Variants in LGR4 observed in about 807,000 individuals in gnomAD.
LGR4 encodes the protein leucine-rich repeat-containing G protein-coupled receptor 4.
A neutral mutation model predicts 84.8 loss-of-function variants in LGR4; 44 were observed. The ratio of observed to expected loss-of-function variants is 0.52; its 90% CI spans 0.41 to 0.67. The LOEUF is 0.67. LGR4 is among the 30% of genes least tolerant of loss of function. The probability of loss-of-function intolerance (pLI) is 0.00; values close to 1 mark genes in which losing one functional copy is unlikely to be tolerated. For synonymous variants in LGR4, 429 were observed against 434.3 expected, an observed-to-expected ratio of 0.99 and a Z score of 0.15; for missense variants, 1,032 against 1,131.4, an observed-to-expected ratio of 0.91 and a Z score of 1.26.
chr11:27,404,249 C>T (rs1041071025), intron 2 of LGR4, among the ~76,000 whole-genome samples: 1 of 152,182 alleles, frequency 6.6e-6, no homozygotes, highest in African/African-American at 2.4e-5. Context: ...TAATACTGAA[C>T]CACTTGATTC....
intron 1 of LGR4, among the ~76,000 whole-genome samples, chr11:27,451,486 A>G (rs1453878048): frequency 2.6e-5 from 4 of 152,250 alleles, no homozygotes; most frequent in African/African-American, 9.6e-5. Flanking sequence ...CCAGAAAGGA[A>G]TAATTAAGTC....
At chr11:27,450,878 C>T (rs1273218107) in intron 1 of LGR4, among the ~76,000 whole-genome samples, 2 of 152,262 alleles carry the variant, frequency 1.3e-5, no homozygotes, top group East Asian at 1.9e-4. Context: ...AACAAAACAA[C>T]CATTTCTTTG....
At chr11:27,380,566 CA>C in intron 9 of LGR4, 73 bp downstream of exon 9, 1 of 1,042,866 alleles carries the variant, frequency 9.6e-7, no homozygotes, top group African/African-American at 1.6e-5. Context: ...TCTGGAGTTC[CA>C]GTAATAAATT....
intron 1 of LGR4, among the ~76,000 whole-genome samples, chr11:27,436,745 C>A (rs1366251480): frequency 2.0e-5 from 3 of 152,164 alleles, no homozygotes; most frequent in Admixed American, 2.0e-4. Context: ...TTGGACCACT[C>A]ACTCACCACA....
At chr11:27,378,410 G>A (rs1402210528) in intron 11 of LGR4, among the ~76,000 whole-genome samples, 1 of 152,054 alleles carries the variant, frequency 6.6e-6, no homozygotes. Flanking sequence ...GGAGAAACTA[G>A]AATAAAGACA....
chr11:27,383,508 A>G (rs1392950523), intron 6 of LGR4, among the ~76,000 whole-genome samples: 2 of 152,212 alleles, frequency 1.3e-5, no homozygotes, highest in Non-Finnish European at 2.9e-5. Context: ...TCATATATCC[A>G]TTGATGTTTC....
rs1862756103 is a variant in LGR4 at position 27,365,961 on chromosome 11, T to C, written c.*1906A>G. 6.6e-6 allele frequency: 1 copy of C among 152,352 alleles called. No homozygotes were observed. 9.4% of individuals were successfully genotyped at this position (152,352 alleles called of 1,614,324 possible). ...TAGTTTTAAATTAAGGCAAAATAGATTGCTTTCTAGAAACTTTAATAATTC... is the reference window on the plus strand; with the variant it reads ...TAGTTTTAAATTAAGGCAAAATAGACTGCTTTCTAGAAACTTTAATAATTC... On this transcript the variant is annotated 3_prime_UTR_variant, in exon 18 of 18. Transcript: ENST00000379214.
At chr11:27,429,460 G>T (rs1264823390) in intron 1 of LGR4, among the ~76,000 whole-genome samples, 1 of 151,442 alleles carries the variant, frequency 6.6e-6, no homozygotes, top group Non-Finnish European at 1.5e-5. Flanking sequence ...CCTAGCTTGG[G>T]TGACAGAACG....
Position 27,368,575 on chromosome 11 carries a change from T to G in LGR4, c.2148A>C (p.Leu716=), listed in dbSNP as rs1431147450. The G allele has an allele frequency of 1.2e-6, 2 of 1,605,802 alleles. No individual in the cohort carries two copies. The highest frequency in any genetic ancestry group is 3.4e-5 in the Admixed American group (2 of 59,422). The change falls in exon 18 of 18, where the codon CTA becomes CTC. Residue 716 remains leucine (L), a synonymous_variant. Transcript: ENST00000379214. The part of the protein sequence containing the change: ...FTVTLVLLNS[L]AFLLMAVIYT... The stretch of plus-strand genomic sequence containing the variant: ...AGATAACGGCCATTAATAAAAATGC[T>G]AGTGAGTTTAATAGCACTAACGTTA...
chr11:27,386,169 C>T (rs1025480603), intron 4 of LGR4, among the ~76,000 whole-genome samples: 2 of 152,094 alleles, frequency 1.3e-5, no homozygotes, highest in Non-Finnish European at 2.9e-5. Context: ...GTTACTGTGG[C>T]TTTAAAGGTT....
intron 1 of LGR4, among the ~76,000 whole-genome samples, chr11:27,425,681 T>C (rs1002819835): frequency 1.3e-5 from 2 of 152,108 alleles, no homozygotes; most frequent in Non-Finnish European, 2.9e-5. Flanking sequence ...CTATGGACAG[T>C]AAATGAACTG....
intron 2 of LGR4, among the ~76,000 whole-genome samples, chr11:27,395,471 T>G (rs1863372881): frequency 6.6e-6 from 1 of 152,218 alleles, no homozygotes; most frequent in Non-Finnish European, 1.5e-5. Context: ...TTTGCTTCCT[T>G]TTCCCAAATC....
At position 27,472,598 on chromosome 11, in the gene LGR4, G is replaced by A; in HGVS notation, c.-296C>T. 5.4e-6 allele frequency: 2 copies of A among 371,408 alleles called. No homozygotes were observed. Among genetic ancestry groups the A allele is most frequent in the African/African-American group, 2.1e-5 (1 of 47,482 alleles). 23.0% of individuals were successfully genotyped at this position (371,408 alleles called of 1,614,324 possible). A position where few individuals can be genotyped will look rare whatever the true frequency, so the allele number is the denominator to read the frequency against. ...GCGGCGGGGGCCGCGCTCTGCCATC[G>A]CACCGGTCTCCCTGTCCCTGGCCTC... is the stretch of plus-strand genomic sequence containing the variant. On this transcript the variant is annotated 5_prime_UTR_variant, in exon 1 of 18. Transcript: ENST00000379214.
intron 2 of LGR4, among the ~76,000 whole-genome samples, chr11:27,403,112 C>T (rs1863535164): frequency 6.6e-6 from 1 of 152,106 alleles, no homozygotes; most frequent in Non-Finnish European, 1.5e-5. Context: ...TTTGGCAAGC[C>T]ACACTGTAAT....
intron 1 of LGR4, among the ~76,000 whole-genome samples, chr11:27,429,472 G>C (rs1864079554): frequency 6.7e-6 from 1 of 148,630 alleles, no homozygotes; most frequent in Admixed American, 6.7e-5. Context: ...GACAGAACGA[G>C]ATTCCATCTC....
chr11:27,412,128 T>C (rs1863723092), intron 2 of LGR4, among the ~76,000 whole-genome samples: 1 of 152,106 alleles, frequency 6.6e-6, no homozygotes, highest in Non-Finnish European at 1.5e-5. Context: ...AGTGCCTATT[T>C]TGATTATGGA....
chr11:27,413,905 G>A (rs540904849), intron 1 of LGR4, among the ~76,000 whole-genome samples: 1 of 152,130 alleles, frequency 6.6e-6, no homozygotes, highest in South Asian at 2.1e-4. Flanking sequence ...TGCTAGGTAC[G>A]TCCTTTCTCC....
At chr11:27,423,764 C>A (rs972496424) in intron 1 of LGR4, among the ~76,000 whole-genome samples, 1 of 152,176 alleles carries the variant, frequency 6.6e-6, no homozygotes, top group Non-Finnish European at 1.5e-5. Context: ...TACTCTTGGA[C>A]AGCTCCACTT....
At chr11:27,445,249 C>A (rs965934249) in intron 1 of LGR4, among the ~76,000 whole-genome samples, 1 of 152,136 alleles carries the variant, frequency 6.6e-6, no homozygotes, top group African/African-American at 2.4e-5. Flanking sequence ...CACCTATGGA[C>A]ACGTGCGGGC....
Sources: allele counts gnomAD v4.1 joint callset (sites outside exome capture counted in the v4.1 genomes callset), GRCh38; gene constraint gnomAD v4.1.1; transcripts MANE v1.5; gene names NCBI Gene and HGNC (gene_info 2026-07-23, HGNC 2026-07-21).